IGSF5: variants seen among roughly 807,000 people sequenced by gnomAD.
IGSF5 encodes the protein immunoglobulin superfamily member 5.
IGSF5 carries 41 observed loss-of-function variants against 39.4 expected under a neutral mutation model. That is an observed-to-expected ratio of 1.04 (90% confidence interval 0.81 to 1.35). The LOEUF is 1.35. IGSF5 is among the 40% of genes most tolerant of loss of function. IGSF5 has a pLI of 0.00. For synonymous variants in IGSF5, 183 were observed against 175.3 expected (o/e 1.04, Z -0.34); for missense variants, 487 against 494.6 (o/e 0.98, Z 0.15).
At chr21:39,790,107 C>G (rs1386121114) in intron 6 of IGSF5, among the ~76,000 whole-genome samples, 1 of 152,172 alleles carries the variant, frequency 6.6e-6, no homozygotes, top group Non-Finnish European at 1.5e-5. Context: ...CCTACCCCTC[C>G]TCCCCAAAGG....
chr21:39,778,008 G>A (rs1302333530), intron 4 of IGSF5, among the ~76,000 whole-genome samples: 2 of 152,162 alleles, frequency 1.3e-5, no homozygotes, highest in Admixed American at 6.6e-5. Flanking sequence ...AAAATAGCAT[G>A]CATTTACATT....
At chr21:39,715,047 CCTTTT>C in the IGSF5 span, among the ~76,000 whole-genome samples, 49,494 of 151,490 alleles carry the variant, frequency 0.33, 8,945 homozygotes, top group Middle Eastern at 0.5. Flanking sequence ...CCTTTCCTTT[CCTTTT>C]CTTTCTTTCG....
upstream of IGSF5, among the ~76,000 whole-genome samples, chr21:39,740,237 C>T (rs531114414): frequency 6.6e-6 from 1 of 152,228 alleles, no homozygotes; most frequent in South Asian, 2.1e-4. Flanking sequence ...AGGGTCCTGC[C>T]TTGCAGCTCT....
At chr21:39,734,358 G>C in the IGSF5 span, among the ~76,000 whole-genome samples, 2 of 148,044 alleles carry the variant, frequency 1.4e-5, no homozygotes, top group South Asian at 4.2e-4. Flanking sequence ...GGGAGGCGGA[G>C]GTTGTAGTGA....
intron 4 of IGSF5, among the ~76,000 whole-genome samples, chr21:39,775,079 A>C (rs1159480777): frequency 6.6e-6 from 1 of 152,084 alleles, no homozygotes. Context: ...TGGGAATTGC[A>C]ATTGTAAAAA....
At chr21:39,712,819 T>A in the IGSF5 span, among the ~76,000 whole-genome samples, 1 of 152,140 alleles carries the variant, frequency 6.6e-6, no homozygotes, top group Non-Finnish European at 1.5e-5. Context: ...TTAATGCTCA[T>A]CCTGACAGGA....
At position 39,779,222 on chromosome 21, in the gene IGSF5, C is replaced by A. The variant is rs771895470; in HGVS notation, c.851C>A (p.Thr284Lys). The change falls in exon 5 of 9, where the codon ACA becomes AAA. Residue 284 changes from threonine (T) to lysine (K), a missense_variant. Thr to Lys is a moderately conservative substitution (Grantham distance 78, BLOSUM62 -1). Transcript: ENST00000380588. ...CTTCTGACGCCGACGTGTACTCTTA[C>A]AATACGCTGCTGCTGCTGCCGCCGT... ...TMLLTPTCTL[T>K]IRCCCCRRRC... is the part of the protein sequence containing the mutation. 1.2e-6 allele frequency: 2 copies of A among 1,613,816 alleles called. No individual in the cohort carries two copies. Among genetic ancestry groups the A allele is most frequent in the Non-Finnish European group, 1.7e-6 (2 of 1,179,748 alleles).
rs144622035 is a variant in IGSF5, at chr21:39,793,699, G to A, written c.1128+86G>A. 4.6e-4 allele frequency: 499 copies of A among 1,077,190 alleles called. 2 individuals carry two copies. The highest frequency in any genetic ancestry group is 5.8e-4 in the Non-Finnish European group (407 of 702,134). 66.7% of individuals were successfully genotyped at this position (1,077,190 alleles called of 1,614,324 possible). ...GTTGTGGGTGATTATAAAATGGTGC[G>A]CGTTGTGTATTCATGATGGTGGCAT... On this transcript the variant is annotated intron_variant, in intron 8 of 8. Coordinates refer to ENST00000380588, the MANE Select transcript of IGSF5 (RefSeq NM_001080444.2).
Position 39,765,853 on chromosome 21 carries a change from G to A in IGSF5, c.418+1G>A. The A allele has an allele frequency of 1.2e-6, 2 of 1,608,660 alleles. No homozygotes were observed. Among genetic ancestry groups the A allele is most frequent in the South Asian group, 1.1e-5 (1 of 90,776 alleles). On this transcript the variant is annotated splice_donor_variant, in intron 3 of 8. Coordinates refer to ENST00000380588, the MANE Select transcript of IGSF5 (RefSeq NM_001080444.2). LOFTEE classifies it high-confidence loss of function. ...GGATCTGCTTACCTTACCGTCCAAGGTGTGTATGCAGGTGGCTTCTGAAGT... is the reference window on the plus strand; with the variant it reads ...GGATCTGCTTACCTTACCGTCCAAGATGTGTATGCAGGTGGCTTCTGAAGT...
intron 5 of IGSF5, 145 bp from the exon 6 acceptor site, chr21:39,788,022 G>A (rs565806593): frequency 3.2e-6 from 2 of 629,922 alleles, no homozygotes; most frequent in African/African-American, 1.9e-5. Flanking sequence ...TGATAATTTG[G>A]TATGGGAAAA....
chr21:39,797,218 C>CTTTTTT (rs11385437), intron 8 of IGSF5, among the ~76,000 whole-genome samples: 13 of 123,776 alleles, frequency 1.1e-4, no homozygotes, highest in African/African-American at 3.7e-4. Context: ...AGCTCCTTTG[C>CTTTTTT]TTTTTTTTTT....
chr21:39,797,300 C>T (rs1008553626), intron 8 of IGSF5, among the ~76,000 whole-genome samples: 6 of 145,154 alleles, frequency 4.1e-5, no homozygotes, highest in Non-Finnish European at 8.9e-5. Flanking sequence ...CTCACCGCAA[C>T]CTCTGCCTCC....
At chr21:39,723,222 TG>T in the IGSF5 span, among the ~76,000 whole-genome samples, 1 of 152,208 alleles carries the variant, frequency 6.6e-6, no homozygotes, top group Non-Finnish European at 1.5e-5. Context: ...GAAGCTCACA[TG>T]GCTATTGGCA....
chr21:39,781,832 AT>A (rs1415460317), intron 5 of IGSF5, among the ~76,000 whole-genome samples: 1 of 151,952 alleles, frequency 6.6e-6, no homozygotes, highest in African/African-American at 2.4e-5. Context: ...TCTCTCTCAG[AT>A]TTTTGGGCTT....
the IGSF5 span, among the ~76,000 whole-genome samples, chr21:39,716,359 T>C: frequency 1.3e-5 from 2 of 152,148 alleles, no homozygotes; most frequent in African/African-American, 4.8e-5. Flanking sequence ...AAAAAATTTA[T>C]TTTAGGTTTG....
intron 8 of IGSF5, 131 bp downstream of exon 8, chr21:39,793,744 A>G: frequency 1.4e-6 from 1 of 729,706 alleles, no homozygotes; most frequent in South Asian, 1.7e-5. Flanking sequence ...CCTCCCCTCC[A>G]TATCAGCTGG....
At chr21:39,759,834 T>A (rs539042274) in intron 2 of IGSF5, among the ~76,000 whole-genome samples, 8 of 138,648 alleles carry the variant, frequency 5.8e-5, no homozygotes, top group Non-Finnish European at 1.1e-4. Context: ...GACACTGCCC[T>A]CCAGCTTGGG....
At chr21:39,780,803 G>C (rs1294299202) in intron 5 of IGSF5, among the ~76,000 whole-genome samples, 1 of 152,194 alleles carries the variant, frequency 6.6e-6, no homozygotes, top group Non-Finnish European at 1.5e-5. Flanking sequence ...GCCTACGGAT[G>C]CTTTATCATG....
At chr21:39,741,912 T>C (rs890673038), upstream of IGSF5, among the ~76,000 whole-genome samples, 1 of 152,026 alleles carries the variant, frequency 6.6e-6, no homozygotes, top group African/African-American at 2.4e-5. Context: ...CCACTGTCTT[T>C]TGGGTTTCTG....
Sources: gnomAD v4.1 joint callset for allele counts (sites outside exome capture counted in the v4.1 genomes callset) on GRCh38, gnomAD v4.1.1 for gene constraint, MANE v1.5 for transcripts, NCBI Gene and HGNC (gene_info 2026-07-23, HGNC 2026-07-21) for gene names.